Variants in CACNA2D1 observed in about 807,000 individuals in gnomAD.
The protein encoded by CACNA2D1 is calcium voltage-gated channel auxiliary subunit alpha2delta 1.
A neutral mutation model predicts 171.5 loss-of-function variants in CACNA2D1; 53 were observed. The ratio of observed to expected loss-of-function variants is 0.31; its 90% CI spans 0.25 to 0.39. CACNA2D1 has a LOEUF of 0.39. Ranked by LOEUF, CACNA2D1 falls within the 10% of genes least tolerant of loss-of-function variation. The pLI, the probability that CACNA2D1 is intolerant of heterozygous loss-of-function variation, is 1.00. For missense variants in CACNA2D1, 903 were observed against 1,299.8 expected (o/e 0.69, Z 4.69); for synonymous variants, 442 against 443.1 (o/e 1.00, Z 0.03).
intron 5 of CACNA2D1, among the ~76,000 whole-genome samples, chr7:82,124,335 A>C (rs1248324336): frequency 6.6e-6 from 1 of 152,056 alleles, no homozygotes; most frequent in Non-Finnish European, 1.5e-5. Context: ...CCCTCTTCCC[A>C]GGGCAGAGGC....
chr7:82,207,552 TG>T (rs756306809), intron 3 of CACNA2D1, among the ~76,000 whole-genome samples: 1 of 152,232 alleles, frequency 6.6e-6, no homozygotes, highest in Non-Finnish European at 1.5e-5. Flanking sequence ...TATGCATTAC[TG>T]TTTAATTTGG....
At chr7:82,304,737 A>T (rs1458536794) in intron 3 of CACNA2D1, among the ~76,000 whole-genome samples, 1 of 152,180 alleles carries the variant, frequency 6.6e-6, no homozygotes, top group Non-Finnish European at 1.5e-5. Flanking sequence ...AGAGGGGCAT[A>T]AAGACAGGTT....
At chr7:82,031,920 T>A (rs529780332) in intron 12 of CACNA2D1, among the ~76,000 whole-genome samples, 21 of 152,036 alleles carry the variant, frequency 1.4e-4, no homozygotes, top group Non-Finnish European at 2.5e-4. Context: ...TATATATAAA[T>A]GTATGATTTT....
chr7:81,986,369 T>C (rs1372318929), intron 21 of CACNA2D1, among the ~76,000 whole-genome samples: 1 of 147,952 alleles, frequency 6.8e-6, no homozygotes, highest in African/African-American at 2.5e-5. Context: ...AATTAATTAA[T>C]TAATTTTTAA....
intron 3 of CACNA2D1, among the ~76,000 whole-genome samples, chr7:82,268,405 C>G (rs551086853): frequency 6.6e-6 from 1 of 152,036 alleles, no homozygotes; most frequent in East Asian, 1.9e-4. Flanking sequence ...AATAAAACAG[C>G]CAGCAAAGGT....
intron 1 of CACNA2D1, among the ~76,000 whole-genome samples, chr7:82,409,061 T>A (rs1464697850): frequency 6.6e-6 from 1 of 152,030 alleles, no homozygotes; most frequent in Non-Finnish European, 1.5e-5. Context: ...CTATTGTACC[T>A]AGCTGTGAGG....
At chr7:82,094,047 C>A (rs893767259) in intron 6 of CACNA2D1, among the ~76,000 whole-genome samples, 17 of 151,908 alleles carry the variant, frequency 1.1e-4, no homozygotes, top group Non-Finnish European at 1.9e-4. Flanking sequence ...CTCCTGGGGA[C>A]AAGGGTGATA....
intron 25 of CACNA2D1, among the ~76,000 whole-genome samples, chr7:81,972,633 G>A (rs2130470728): frequency 6.6e-6 from 1 of 151,906 alleles, no homozygotes; most frequent in East Asian, 1.9e-4. Context: ...GAGGATCAAA[G>A]GCCAATTATT....
chr7:82,275,425 T>A (rs535020969), intron 3 of CACNA2D1, among the ~76,000 whole-genome samples: 1 of 152,274 alleles, frequency 6.6e-6, no homozygotes, highest in Non-Finnish European at 1.5e-5. Context: ...CTGATCTTCT[T>A]GAATAGATAC....
chr7:82,381,141 T>C (rs1041196468), intron 1 of CACNA2D1, among the ~76,000 whole-genome samples: 3 of 151,806 alleles, frequency 2.0e-5, no homozygotes, highest in Non-Finnish European at 4.4e-5. Flanking sequence ...TGAAACCCCA[T>C]CTCTACTAAA....
At chr7:82,037,835 AT>A (rs928621019) in intron 11 of CACNA2D1, among the ~76,000 whole-genome samples, 1 of 152,194 alleles carries the variant, frequency 6.6e-6, no homozygotes, top group Admixed American at 6.5e-5. Flanking sequence ...TTCCTTATAA[AT>A]TTTTTTAAAA....
chr7:82,118,911 T>A (rs1292231307), intron 5 of CACNA2D1, among the ~76,000 whole-genome samples: 1 of 152,066 alleles, frequency 6.6e-6, no homozygotes, highest in African/African-American at 2.4e-5. Flanking sequence ...CATAAAAAGA[T>A]GAGAATTTCT....
At chr7:82,130,509 T>A (rs1193207335) in intron 5 of CACNA2D1, among the ~76,000 whole-genome samples, 2 of 152,132 alleles carry the variant, frequency 1.3e-5, no homozygotes, top group Middle Eastern at 6.8e-3. Context: ...ATGAGATAAT[T>A]TCAATAGCTC....
chr7:82,307,369 C>T (rs2129430631), intron 3 of CACNA2D1, among the ~76,000 whole-genome samples: 2 of 151,772 alleles, frequency 1.3e-5, no homozygotes, highest in East Asian at 1.9e-4. Context: ...GTTGGCCGGG[C>T]TGGTTCTGAA....
At chr7:82,242,542 G>A (rs1428962878) in intron 3 of CACNA2D1, among the ~76,000 whole-genome samples, 1 of 152,102 alleles carries the variant, frequency 6.6e-6, no homozygotes, top group Non-Finnish European at 1.5e-5. Context: ...TTTTCTGGCT[G>A]CACATTTTCA....
chr7:82,146,299 C>CAT (rs1176765466), intron 4 of CACNA2D1, among the ~76,000 whole-genome samples: 26 of 142,980 alleles, frequency 1.8e-4, no homozygotes, highest in East Asian at 1.3e-3. Context: ...ATTTCTTCTA[C>CAT]ATATATATAT....
chr7:82,123,755 A>G (rs763543952), intron 5 of CACNA2D1, among the ~76,000 whole-genome samples: 4 of 152,178 alleles, frequency 2.6e-5, no homozygotes, highest in Non-Finnish European at 5.9e-5. Context: ...CCTGAAAAAT[A>G]AAATAATATA....
At chr7:82,252,214 G>A (rs1000733894) in intron 3 of CACNA2D1, among the ~76,000 whole-genome samples, 1 of 152,150 alleles carries the variant, frequency 6.6e-6, no homozygotes, top group African/African-American at 2.4e-5. Flanking sequence ...ACATTTATTT[G>A]AGTGCTGATG....
At chr7:82,136,534 T>C (rs1261262595) in intron 5 of CACNA2D1, 101 bp downstream of exon 5, 15 of 815,666 alleles carry the variant, frequency 1.8e-5, no homozygotes, top group Admixed American at 1.5e-4. Flanking sequence ...CAGTCTAACA[T>C]TGTCTTAAAA....
Sources: allele counts gnomAD v4.1 joint callset (sites outside exome capture counted in the v4.1 genomes callset), GRCh38; gene constraint gnomAD v4.1.1; transcripts MANE v1.5; gene names NCBI Gene and HGNC (gene_info 2026-07-23, HGNC 2026-07-21).